NCOA2: variants seen among roughly 807,000 people sequenced by gnomAD.
The protein encoded by NCOA2 is nuclear receptor coactivator 2.
NCOA2 carries 21 observed loss-of-function variants against 145.1 expected under a neutral mutation model. That is an observed-to-expected ratio of 0.14 (90% CI 0.10 to 0.21). NCOA2 has a LOEUF of 0.21. NCOA2 is among the 10% of genes least tolerant of loss of function. NCOA2 has a pLI of 1.00. For missense variants in NCOA2, 1,472 were observed against 1,837.6 expected, an observed-to-expected ratio of 0.80 and a Z score of 3.64; for synonymous variants, 619 against 637.5, an observed-to-expected ratio of 0.97 and a Z score of 0.44.
chr8:70,267,347 C>T (rs147147330), intron 2 of NCOA2, among the ~76,000 whole-genome samples: 376 of 151,286 alleles, frequency 2.5e-3, no homozygotes, highest in Non-Finnish European at 4.6e-3. Context: ...ATGCCAATAT[C>T]CTCATTTCCC....
At chr8:70,297,114 CTA>C (rs942559122) in intron 1 of NCOA2, among the ~76,000 whole-genome samples, 4 of 152,172 alleles carry the variant, frequency 2.6e-5, no homozygotes, top group Non-Finnish European at 5.9e-5. Flanking sequence ...CCAGCCTTCC[CTA>C]TGAGACAAAA....
chr8:70,268,205 T>C (rs970540769), intron 2 of NCOA2, among the ~76,000 whole-genome samples: 1 of 152,214 alleles, frequency 6.6e-6, no homozygotes, highest in African/African-American at 2.4e-5. Context: ...TCATTGTCTT[T>C]ATATACAAGG....
At chr8:70,312,725 G>A (rs992418026) in intron 1 of NCOA2, among the ~76,000 whole-genome samples, 3 of 151,872 alleles carry the variant, frequency 2.0e-5, no homozygotes, top group Non-Finnish European at 2.9e-5. Flanking sequence ...CATTTAACAC[G>A]ACAGTGTCCC....
intron 1 of NCOA2, among the ~76,000 whole-genome samples, chr8:70,325,348 C>T (rs192805973): frequency 5.8e-4 from 89 of 152,286 alleles, no homozygotes; most frequent in African/African-American, 2.1e-3. Flanking sequence ...TGAAAATGCT[C>T]TTTCAATCAC....
At chr8:70,203,373 T>C (rs767311656) in intron 4 of NCOA2, among the ~76,000 whole-genome samples, 16 of 152,016 alleles carry the variant, frequency 1.1e-4, no homozygotes, top group Non-Finnish European at 1.8e-4. Flanking sequence ...TTAGTCACAG[T>C]TCCCTCTCCC....
At chr8:70,445,255 C>G in the NCOA2 span, among the ~76,000 whole-genome samples, 1 of 152,160 alleles carries the variant, frequency 6.6e-6, no homozygotes, top group Non-Finnish European at 1.5e-5. Context: ...CATTTTTTGG[C>G]TGAGTTACAG....
At chr8:70,285,334 A>G (rs1047817984) in intron 2 of NCOA2, among the ~76,000 whole-genome samples, 1 of 152,240 alleles carries the variant, frequency 6.6e-6, no homozygotes. Context: ...GGTTTAGAAC[A>G]CAGCATCCAC....
At chr8:70,166,436 CAG>C in intron 7 of NCOA2, 128 bp downstream of exon 7, 1 of 1,081,510 alleles carries the variant, frequency 9.2e-7, no homozygotes, top group Non-Finnish European at 1.4e-6. Flanking sequence ...CATCACAAAA[CAG>C]TAAAATTGAA....
intron 4 of NCOA2, among the ~76,000 whole-genome samples, chr8:70,194,966 G>T (rs759862069): frequency 6.6e-6 from 1 of 152,156 alleles, no homozygotes; most frequent in Non-Finnish European, 1.5e-5. Context: ...AGACTTCAAT[G>T]CTAGTCCTAC....
the NCOA2 span, among the ~76,000 whole-genome samples, chr8:70,449,570 A>G: frequency 6.6e-6 from 1 of 152,214 alleles, no homozygotes; most frequent in Non-Finnish European, 1.5e-5. Context: ...AACCTTACAG[A>G]AAAGGAGCCA....
chr8:70,424,431 T>A, the NCOA2 span: 5 of 474,538 alleles, frequency 1.1e-5, no homozygotes, highest in South Asian at 8.2e-5. Flanking sequence ...GTGAGGTTAG[T>A]GTCTGCTTTC....
intron 1 of NCOA2, among the ~76,000 whole-genome samples, chr8:70,322,776 T>C (rs1012358380): frequency 6.6e-6 from 1 of 152,190 alleles, no homozygotes; most frequent in Admixed American, 6.5e-5. Flanking sequence ...CCATAGTAAA[T>C]GCTTGATAAT....
chr8:70,363,902 G>C (rs1007239916), intron 1 of NCOA2, among the ~76,000 whole-genome samples: 4 of 151,900 alleles, frequency 2.6e-5, no homozygotes, highest in African/African-American at 9.7e-5. Context: ...TCAAGAAGAT[G>C]CCGGCCATCC....
chr8:70,200,274 C>CAT (rs1194175377), intron 4 of NCOA2, among the ~76,000 whole-genome samples: 1 of 152,092 alleles, frequency 6.6e-6, no homozygotes, highest in African/African-American at 2.4e-5. Context: ...TTATAAGGTA[C>CAT]ACGTATGTAC....
At chr8:70,387,346 T>G (rs190368087) in intron 1 of NCOA2, among the ~76,000 whole-genome samples, 13 of 152,306 alleles carry the variant, frequency 8.5e-5, no homozygotes, top group African/African-American at 3.1e-4. Flanking sequence ...TATCAGAAAG[T>G]TCTTCTAAAT....
At chr8:70,426,430 T>C in the NCOA2 span, among the ~76,000 whole-genome samples, 1 of 152,228 alleles carries the variant, frequency 6.6e-6, no homozygotes, top group Non-Finnish European at 1.5e-5. Flanking sequence ...CATGAAATTG[T>C]ACTGAAGAAA....
At chr8:70,221,238 T>TATA (rs1820109104) in intron 2 of NCOA2, among the ~76,000 whole-genome samples, 1 of 152,188 alleles carries the variant, frequency 6.6e-6, no homozygotes, top group South Asian at 2.1e-4. Flanking sequence ...ACATAAAACC[T>TATA]CACTTAAATA....
At chr8:70,118,700 T>C (rs1807426472) in intron 22 of NCOA2, among the ~76,000 whole-genome samples, 1 of 151,830 alleles carries the variant, frequency 6.6e-6, no homozygotes, top group Admixed American at 6.6e-5. Flanking sequence ...TTTTTTTTTT[T>C]TTTTTGAGAC....
the NCOA2 span, among the ~76,000 whole-genome samples, chr8:70,409,084 T>A: frequency 6.6e-6 from 1 of 152,092 alleles, no homozygotes. Context: ...CCATTTCTGT[T>A]TTAAAAAACA....
Sources: allele counts gnomAD v4.1 joint callset (sites outside exome capture counted in the v4.1 genomes callset), GRCh38; gene constraint gnomAD v4.1.1; transcripts MANE v1.5; gene names NCBI Gene and HGNC (gene_info 2026-07-23, HGNC 2026-07-21).